Variants in DPP10 observed in about 807,000 individuals in gnomAD.
DPP10 encodes the protein dipeptidyl peptidase like 10, also known as inactive dipeptidyl peptidase 10.
A neutral mutation model predicts 120.9 loss-of-function variants in DPP10; 33 were observed. The observed-to-expected ratio is 0.27, with a 90% CI of 0.21 to 0.37. DPP10 has a LOEUF of 0.37. Ranked by LOEUF, DPP10 falls within the 10% of genes least tolerant of loss-of-function variation. The pLI is 1.00. For missense variants in DPP10, 816 were observed against 942.8 expected, an observed-to-expected ratio of 0.87 and a Z score of 1.76; for synonymous variants, 337 against 326.1, an observed-to-expected ratio of 1.03 and a Z score of -0.36.
chr2:115,238,494 T>A (rs1257300924), intron 1 of DPP10, among the ~76,000 whole-genome samples: 1 of 152,198 alleles, frequency 6.6e-6, no homozygotes, highest in Non-Finnish European at 1.5e-5. Flanking sequence ...TTTCAAATCT[T>A]ATTTTTTCAA....
chr2:115,638,288 T>C lies in DPP10; in HGVS notation c.442-51399T>C, dbSNP rs372877100. Among the ~76,000 whole-genome samples, 40 of 152,336 alleles carry C rather than the reference T, an allele frequency of 2.6e-4. No homozygotes were observed. The East Asian group carries it at 7.5e-3, about 29-fold the overall frequency. On this transcript the variant is annotated intron_variant, in intron 5 of 25. Transcript: ENST00000410059. ...TTGAAGGGTTGGTAGTGGGTGATTT[T>C]AATTCTCTAGTATTATATGTGATTG...
chr2:115,756,638 A>G (rs1679440682), intron 11 of DPP10, among the ~76,000 whole-genome samples: 1 of 152,152 alleles, frequency 6.6e-6, no homozygotes, highest in Non-Finnish European at 1.5e-5. Flanking sequence ...CCACAAGGAG[A>G]ACTCTAGAAG....
intron 1 of DPP10, among the ~76,000 whole-genome samples, chr2:114,752,542 A>G (rs1679335101): frequency 6.6e-6 from 1 of 152,180 alleles, no homozygotes; most frequent in African/African-American, 2.4e-5. Context: ...CAGTAAAGAT[A>G]TCAGTTTGTT....
chr2:114,580,194 G>A (rs557656282), intron 1 of DPP10, among the ~76,000 whole-genome samples: 1 of 152,186 alleles, frequency 6.6e-6, no homozygotes, highest in African/African-American at 2.4e-5. Flanking sequence ...CCATTTAAAA[G>A]AGTTGCCTTC....
At chr2:114,555,595 C>CAAAT (rs879305859) in intron 1 of DPP10, among the ~76,000 whole-genome samples, 41 of 152,104 alleles carry the variant, frequency 2.7e-4, no homozygotes, top group Non-Finnish European at 5.6e-4. Flanking sequence ...ATGCTGCAGG[C>CAAAT]CCTTTTCTAG....
At chr2:115,469,884 G>GAAAAAAAAAAA in intron 3 of DPP10, among the ~76,000 whole-genome samples, 1 of 75,554 alleles carries the variant, frequency 1.3e-5, no homozygotes, top group Non-Finnish European at 2.8e-5. Context: ...GGCAACAAGA[G>GAAAAAAAAAAA]AAAAAAAAAA....
intron 13 of DPP10, among the ~76,000 whole-genome samples, chr2:115,775,674 C>G (rs564972072): frequency 3.3e-5 from 5 of 151,902 alleles, no homozygotes; most frequent in Non-Finnish European, 7.4e-5. Context: ...GTCTTTAGTA[C>G]AATTTATGAC....
intron 3 of DPP10, among the ~76,000 whole-genome samples, chr2:115,448,138 C>T (rs188825147): frequency 3.9e-5 from 6 of 152,158 alleles, no homozygotes; most frequent in East Asian, 3.9e-4. Context: ...TTTATGGGAA[C>T]GGTGAAGTTT....
At chr2:115,379,518 G>C (rs374957361) in intron 3 of DPP10, among the ~76,000 whole-genome samples, 2 of 151,918 alleles carry the variant, frequency 1.3e-5, no homozygotes, top group Non-Finnish European at 2.9e-5. Context: ...TGGATTCATT[G>C]ATTTTTTGAA....
intron 19 of DPP10, among the ~76,000 whole-genome samples, chr2:115,814,151 G>A (rs7590644): frequency 0.97 from 148,422 of 152,262 alleles, 72,479 homozygotes; most frequent in Middle Eastern, 1. Context: ...TAGCTTTCAA[G>A]TTTTTCAAAC....
chr2:115,727,122 A>G (rs967418), intron 7 of DPP10, among the ~76,000 whole-genome samples: 132,889 of 152,082 alleles, frequency 0.87, 58,232 homozygotes, highest in East Asian at 1. Context: ...AGTTTGCACC[A>G]TTGTTCCTGT....
chr2:115,311,672 T>G (rs548776651), intron 2 of DPP10, among the ~76,000 whole-genome samples: 1 of 152,172 alleles, frequency 6.6e-6, no homozygotes, highest in Admixed American at 6.6e-5. Context: ...TACAAACATT[T>G]AGAAAATACA....
intron 3 of DPP10, among the ~76,000 whole-genome samples, chr2:115,390,954 A>C (rs2067276355): frequency 6.6e-6 from 1 of 152,130 alleles, no homozygotes; most frequent in South Asian, 2.1e-4. Context: ...ACACATAAGA[A>C]TATTGCACTT....
chr2:115,558,359 A>C (rs1221491573), intron 5 of DPP10, among the ~76,000 whole-genome samples: 6 of 152,220 alleles, frequency 3.9e-5, no homozygotes, highest in Admixed American at 3.9e-4. Flanking sequence ...AGGACTCCTG[A>C]AGATCTCATT....
At chr2:114,566,763 G>A (rs1689233493) in intron 1 of DPP10, among the ~76,000 whole-genome samples, 1 of 152,218 alleles carries the variant, frequency 6.6e-6, no homozygotes, top group African/African-American at 2.4e-5. Flanking sequence ...AGAGTCCTGG[G>A]TCTTCATCCC....
At chr2:114,789,730 T>C (rs1287468998) in intron 1 of DPP10, among the ~76,000 whole-genome samples, 4 of 152,148 alleles carry the variant, frequency 2.6e-5, no homozygotes. Flanking sequence ...TGATTAATAA[T>C]ATGGTACACA....
chr2:114,493,236 A>G lies in DPP10; in HGVS notation c.60+50398A>G, dbSNP rs149728271. Among the ~76,000 whole-genome samples the G allele has an allele frequency of 1.4e-4, 21 of 152,294 alleles. No homozygotes were observed. In the East Asian group the frequency reaches 4.1e-3, roughly 29 times the overall value. On this transcript the variant is annotated intron_variant, in intron 1 of 25. Coordinates refer to ENST00000410059, the MANE Select transcript of DPP10 (RefSeq NM_020868.6). ...TTTCAATCCCGGCTCCACTATTCCTATAAGGTAAGTGGAGCAAGTTACCTT... is the reference window on the plus strand; with the variant it reads ...TTTCAATCCCGGCTCCACTATTCCTGTAAGGTAAGTGGAGCAAGTTACCTT...
intron 5 of DPP10, among the ~76,000 whole-genome samples, chr2:115,623,398 A>C (rs1417533861): frequency 6.6e-6 from 1 of 152,222 alleles, no homozygotes; most frequent in Non-Finnish European, 1.5e-5. Context: ...GAATGATTGA[A>C]ATGATTTTAT....
At chr2:115,520,738 A>ATT (rs1421613145) in intron 4 of DPP10, among the ~76,000 whole-genome samples, 2 of 152,122 alleles carry the variant, frequency 1.3e-5, no homozygotes, top group African/African-American at 2.4e-5. Flanking sequence ...GCAAATGAAT[A>ATT]TTTTATGTTT....
Sources: gnomAD v4.1 joint callset for allele counts (sites outside exome capture counted in the v4.1 genomes callset) on GRCh38, gnomAD v4.1.1 for gene constraint, MANE v1.5 for transcripts, NCBI Gene and HGNC (gene_info 2026-07-23, HGNC 2026-07-21) for gene names.